The following COLQ variants were observed in gnomAD, a reference collection of about 807,000 sequenced individuals.
COLQ encodes the protein acetylcholinesterase collagenic tail peptide.
Under a neutral mutation model 69.0 loss-of-function variants are expected in COLQ, and 48 were observed. That is an observed-to-expected ratio of 0.70 (90% CI 0.55 to 0.88). The LOEUF (loss-of-function observed/expected upper bound fraction) is 0.88. COLQ is among the 40% of genes least tolerant of loss of function. COLQ has a pLI of 0.00. For synonymous variants in COLQ, 217 were observed against 211.2 expected, an observed-to-expected ratio of 1.03 and a Z score of -0.24; for missense variants, 618 against 594.6, an observed-to-expected ratio of 1.04 and a Z score of -0.41.
intron 12 of COLQ, among the ~76,000 whole-genome samples, chr3:15,460,888 G>C (rs2062101936): frequency 6.6e-6 from 1 of 152,110 alleles, no homozygotes; most frequent in Admixed American, 6.6e-5. Context: ...GGTGGCATTG[G>C]AACAGCCTTC....
At chr3:15,486,697 G>A (rs899493529) in intron 3 of COLQ, among the ~76,000 whole-genome samples, 1 of 152,138 alleles carries the variant, frequency 6.6e-6, no homozygotes, top group Non-Finnish European at 1.5e-5. Context: ...GGCAGCCTCT[G>A]GCCAACTCTG....
In COLQ at chr3:15,481,990, C is replaced by T. The variant is rs183460999; in HGVS notation, c.322-2608G>A. ...TCTTTGAAGCAATTGTGAATGGGAG[C>T]TCACTCATGATTTGCCTCTCTGTTT... On this transcript the variant is annotated intron_variant, in intron 3 of 16. Coordinates refer to ENST00000383788, the MANE Select transcript of COLQ (RefSeq NM_005677.4). 4.5e-3 allele frequency among the ~76,000 whole-genome samples: 683 copies of T among 152,134 alleles called. 8 individuals are homozygous for T. The highest frequency in any genetic ancestry group is 0.015 in the African/African-American group (628 of 41,516).
intron 1 of COLQ, among the ~76,000 whole-genome samples, chr3:15,521,258 G>A (rs1043854385): frequency 6.6e-6 from 1 of 152,194 alleles, no homozygotes; most frequent in Non-Finnish European, 1.5e-5. Context: ...TGCAGCAAAT[G>A]GGGAGAATAG....
chr3:15,456,675 G>T, intron 13 of COLQ, 96 bp from the exon 14 acceptor site: 1 of 1,538,824 alleles, frequency 6.5e-7, no homozygotes, highest in South Asian at 1.1e-5. Flanking sequence ...TCCTTGGGCT[G>T]CTCAACAGTG....
rs973398383 is a variant in COLQ, at chr3:15,510,710, G to A, written c.106+10810C>T. Among the ~76,000 whole-genome samples, 6 of 146,170 alleles carry A rather than the reference G, an allele frequency of 4.1e-5. No individual in the cohort carries two copies. In the Admixed American group the frequency reaches 4.1e-4, roughly 10 times the overall value. ...GTGACAGAGTGAGACAAGGAGGGAA[G>A]GGGACAGGATGGGAGGGGACAGGAT... On this transcript the variant is annotated intron_variant, in intron 1 of 16. Coordinates refer to ENST00000383788, the MANE Select transcript of COLQ (RefSeq NM_005677.4).
chr3:15,513,684 C>T lies in COLQ; in HGVS notation c.106+7836G>A, dbSNP rs75619538. ...GCACTCAAATCCTTGTCTCAGGCTC[C>T]GCTTCTGAGAAGGAACCCAAATGAA... On this transcript the variant is annotated intron_variant, in intron 1 of 16. Coordinates refer to ENST00000383788, the MANE Select transcript of COLQ (RefSeq NM_005677.4). Among the ~76,000 whole-genome samples, 3 of 152,302 alleles carry T rather than the reference C, an allele frequency of 2.0e-5. No individual in the cohort carries two copies. In the East Asian group the frequency reaches 5.8e-4, roughly 29 times the overall value.
chr3:15,502,545 A>G (rs1432819977), intron 1 of COLQ, among the ~76,000 whole-genome samples: 1 of 151,986 alleles, frequency 6.6e-6, no homozygotes, highest in East Asian at 1.9e-4. Flanking sequence ...CCTCTGGAGT[A>G]CCTGGAATTA....
chr3:15,477,299 A>T (rs888740341), intron 5 of COLQ, 102 bp from the exon 6 acceptor site: 1 of 1,045,180 alleles, frequency 9.6e-7, no homozygotes, highest in Non-Finnish European at 1.5e-6. Flanking sequence ...TGGGTTCTCT[A>T]GGCATGGCTA....
Position 15,451,639 on chromosome 3 carries a change from G to A in COLQ, c.*5C>T, listed in dbSNP as rs753583108. On this transcript the variant is annotated 3_prime_UTR_variant, in exon 17 of 17. Coordinates refer to ENST00000383788, the MANE Select transcript of COLQ (RefSeq NM_005677.4). ...GGGGCGCAGCCCACCTTCTCCTCAC[G>A]GCCCTCAGGTGAAGTAGCGGCAGGG... 3.2e-5 allele frequency: 51 copies of A among 1,614,062 alleles called. No individual in the cohort carries two copies. The highest frequency in any genetic ancestry group is 4.4e-5 in the South Asian group (4 of 91,082).
chr3:15,456,695 G>A (rs1258159632), intron 13 of COLQ, 116 bp from the exon 14 acceptor site: 2 of 1,330,706 alleles, frequency 1.5e-6, no homozygotes, highest in African/African-American at 1.4e-5. Flanking sequence ...GGGAAGAGGG[G>A]TTTGCACACT....
chr3:15,508,160 T>A (rs1306720767), intron 1 of COLQ, among the ~76,000 whole-genome samples: 1 of 152,248 alleles, frequency 6.6e-6, no homozygotes, highest in African/African-American at 2.4e-5. Flanking sequence ...TCATATTTTA[T>A]ATTTAAATCT....
intron 1 of COLQ, among the ~76,000 whole-genome samples, chr3:15,520,639 C>A (rs1047913122): frequency 7.2e-5 from 11 of 152,214 alleles, no homozygotes; most frequent in African/African-American, 2.7e-4. Flanking sequence ...TGAGGGTCTG[C>A]CTGCCTCCTT....
intron 1 of COLQ, among the ~76,000 whole-genome samples, chr3:15,503,679 T>C (rs2062863725): frequency 6.6e-6 from 1 of 152,148 alleles, no homozygotes. Flanking sequence ...ATATTAGTAC[T>C]GTCATCCTCA....
intron 5 of COLQ, 71 bp from the exon 6 acceptor site, chr3:15,477,268 T>A: frequency 7.0e-7 from 1 of 1,429,636 alleles, no homozygotes; most frequent in South Asian, 1.2e-5. Context: ...ATGTTTTGTC[T>A]CTGGGGCCCA....
Position 15,463,299 on chromosome 3 carries a change from G to GT in COLQ, c.814+3041dup, listed in dbSNP as rs1257775000. On this transcript the variant is annotated intron_variant, in intron 12 of 16. Coordinates refer to ENST00000383788, the MANE Select transcript of COLQ (RefSeq NM_005677.4). ...CCCATTGCCCCTGGACTACTCCTCA[G>GT]TTTTTTTTGGTTTTGGTTTTGTTTT... 5.3e-3 allele frequency among the ~76,000 whole-genome samples: 795 copies of GT among 151,280 alleles called. 6 individuals carry two copies. The highest frequency in any genetic ancestry group is 0.018 in the African/African-American group (721 of 41,190).
chr3:15,499,443 G>A (rs1313520297), intron 1 of COLQ, among the ~76,000 whole-genome samples: 1 of 152,172 alleles, frequency 6.6e-6, no homozygotes, highest in East Asian at 1.9e-4. Context: ...TAAATATTTA[G>A]GCTTTGTGGG....
intron 10 of COLQ, among the ~76,000 whole-genome samples, chr3:15,471,256 A>G (rs1869850): frequency 0.088 from 13,346 of 152,280 alleles, 746 homozygotes; most frequent in Admixed American, 0.16. Flanking sequence ...CACATCTTCA[A>G]TATAATTATT....
At chr3:15,458,119 G>T in intron 13 of COLQ, 67 bp downstream of exon 13, 3 of 1,551,982 alleles carry the variant, frequency 1.9e-6, no homozygotes, top group Non-Finnish European at 2.7e-6. Context: ...ATTTTACAAA[G>T]CCCCATAAGG....
At chr3:15,509,622 A>G (rs1156302268) in intron 1 of COLQ, among the ~76,000 whole-genome samples, 1 of 152,206 alleles carries the variant, frequency 6.6e-6, no homozygotes, top group Non-Finnish European at 1.5e-5. Context: ...GTAATTCCTG[A>G]GTACATATTC....
Sources: allele counts gnomAD v4.1 joint callset (sites outside exome capture counted in the v4.1 genomes callset), GRCh38; gene constraint gnomAD v4.1.1; transcripts MANE v1.5; gene names NCBI Gene and HGNC (gene_info 2026-07-23, HGNC 2026-07-21).